The following SALL2 variants were observed in gnomAD, a reference collection of about 807,000 sequenced individuals.
SALL2 encodes spalt like transcription factor 2, also known as sal-like protein 2.
In SALL2, 32 loss-of-function variants were observed where a neutral mutation model predicts 58.5. That is an observed-to-expected ratio of 0.55 (90% CI 0.41 to 0.74). SALL2 has a LOEUF of 0.74. Among genes scored for constraint, SALL2 ranks in the 30% least tolerant of loss-of-function variants. The pLI, the probability that SALL2 is intolerant of heterozygous loss-of-function variation, is 0.00. For missense variants in SALL2, 1,201 were observed against 1,268.9 expected (o/e 0.95, Z 0.81); for synonymous variants, 516 against 513.6 (o/e 1.00, Z -0.06).
chr14:21,531,989 C>CA (rs1470496211), intron 1 of SALL2, among the ~76,000 whole-genome samples: 4 of 152,130 alleles, frequency 2.6e-5, no homozygotes, highest in African/African-American at 9.7e-5. Context: ...CTCAGCCTCC[C>CA]AAAGTGCTGA....
In SALL2 at chr14:21,525,807, TC is replaced by T. The variant is rs1197892315; in HGVS notation, c.68-154del. 4.7e-5 allele frequency among the ~76,000 whole-genome samples: 6 copies of T among 127,314 alleles called. No individual in the cohort carries two copies. Among genetic ancestry groups the T allele is most frequent in the Non-Finnish European group, 9.5e-5 (6 of 62,882 alleles). The allele number at this position is 127,314 out of a possible 152,430, so 83.5% of individuals were successfully genotyped here. ...GCAGAAGTCTAGAGCTCAGGCCTGA[TC>T]CGTGTGGACAGGAGACAACCCGGCA... On this transcript the variant is annotated intron_variant, in intron 1 of 1. Coordinates refer to ENST00000537235, the MANE Select transcript of SALL2 (RefSeq NM_001364564.1). The surrounding 1 kb of genome is among the most constrained non-coding windows in gnomAD (Gnocchi z 4.4).
rs747098143 is a variant in SALL2, at chr14:21,522,957, G to A, written c.2765C>T (p.Ala922Val). 4 of 1,614,016 alleles carry A rather than the reference G, an allele frequency of 2.5e-6. No individual in the cohort carries two copies. Among genetic ancestry groups the A allele is most frequent in the Non-Finnish European group, 3.4e-6 (4 of 1,180,022 alleles). The stretch of plus-strand genomic sequence containing the variant: ...GGTCTTCTGATGCTCCTCCAGAGCT[G>A]CCTGGGAGGGAAAGGCCTGGCCACA... ...EVCGQAFPSQ[A>V]ALEEHQKTHP... The change falls in exon 2 of 2, where the codon GCA (alanine) becomes GTA (valine). Residue 922 changes from alanine (A) to valine (V), a missense_variant. Physicochemically the swap from Ala to Val is moderately conservative, Grantham distance 64 (BLOSUM62 0). Coordinates refer to ENST00000537235, the MANE Select transcript of SALL2 (RefSeq NM_001364564.1).
In SALL2 at chr14:21,522,581, G is replaced by C. The variant is rs1210605904; in HGVS notation, c.*123C>G. 7.0e-7 allele frequency: 1 copy of C among 1,425,940 alleles called. No individual in the cohort carries two copies. Among genetic ancestry groups the C allele is most frequent in the East Asian group, 2.5e-5 (1 of 40,390 alleles). 88.3% of individuals were successfully genotyped at this position (1,425,940 alleles called of 1,614,324 possible). ...CTCAGGGACTACAGAAAAGCCACTAGGGACATAACATGTTAAGAACTTAGA... is the reference window on the plus strand; with the variant it reads ...CTCAGGGACTACAGAAAAGCCACTACGGACATAACATGTTAAGAACTTAGA... On this transcript the variant is annotated 3_prime_UTR_variant, in exon 2 of 2. Coordinates refer to ENST00000537235, the MANE Select transcript of SALL2 (RefSeq NM_001364564.1).
chr14:21,523,563 C>A lies in SALL2; in HGVS notation c.2159G>T (p.Gly720Val), dbSNP rs371354219. The A allele has an allele frequency of 3.3e-5, 54 of 1,614,090 alleles. No homozygotes were observed. The African/African-American group carries it at 6.3e-4, about 19-fold the overall frequency. Residue 720 changes from glycine (G) to valine (V), a missense_variant, in exon 2 of 2, where the codon GGT (glycine) becomes GTT (valine). Gly to Val is a moderately radical substitution (Grantham distance 109). Transcript: ENST00000537235. The surrounding 1 kb of genome is among the most constrained non-coding windows in gnomAD (Gnocchi z 4.4). ...TCCTCCACCTTCAGGGAGTGCAGTACCACCGTTGGGGATCTGGCCCCCCAG... is the reference window on the plus strand; with the variant it reads ...TCCTCCACCTTCAGGGAGTGCAGTAACACCGTTGGGGATCTGGCCCCCCAG... ...MHLGGQIPNG[G>V]TALPEGGGAA...
rs1271865712 is a variant in SALL2, at chr14:21,521,242, C to A, written c.*1462G>T. 6.6e-6 allele frequency: 1 copy of A among 152,190 alleles called. No homozygotes were observed. The highest frequency in any genetic ancestry group is 1.5e-5 in the Non-Finnish European group (1 of 68,046). The allele number at this position is 152,190 out of a possible 1,614,324, so 9.4% of individuals were successfully genotyped here. Reference sequence around the variant, plus strand: ...CCTCACTCTCTCCTCCTCAGAACTCCTGTTCCAAATGATCCTATGTTAAGA... The same window carrying A: ...CCTCACTCTCTCCTCCTCAGAACTCATGTTCCAAATGATCCTATGTTAAGA... On this transcript the variant is annotated 3_prime_UTR_variant, in exon 2 of 2. Coordinates refer to ENST00000537235, the MANE Select transcript of SALL2 (RefSeq NM_001364564.1).
chr14:21,529,630 C>CA (rs1478192602), upstream of SALL2, among the ~76,000 whole-genome samples: 4 of 146,644 alleles, frequency 2.7e-5, no homozygotes, highest in South Asian at 2.2e-4. Context: ...CTCAAAATCT[C>CA]AAAAAAAAGA....
chr14:21,528,193 T>C (rs892628369), upstream of SALL2, among the ~76,000 whole-genome samples: 1 of 151,958 alleles, frequency 6.6e-6, no homozygotes, highest in Non-Finnish European at 1.5e-5. Flanking sequence ...TTTTTAAAGT[T>C]TGGGGAGTCC....
Position 21,525,649 on chromosome 14 carries a change from C to T in SALL2, c.73G>A (p.Ala25Thr). The change falls in exon 2 of 2, where the codon GCT (alanine) becomes ACT (threonine). Residue 25 changes from alanine (A) to threonine (T), a missense_variant. Transcript: ENST00000537235. The surrounding 1 kb of genome is among the most constrained non-coding windows in gnomAD (Gnocchi z 4.4). ...CGEPAELGGD[A>T]SEEDHPQVCA... is the part of the protein sequence containing the mutation. Reference sequence around the variant, plus strand: ...ACTTGGGGGTGATCCTCCTCGCTAGCATCACCTGGGGAGAAGACAAGGAGA... The same window carrying T: ...ACTTGGGGGTGATCCTCCTCGCTAGTATCACCTGGGGAGAAGACAAGGAGA... 1 of 1,570,402 alleles carries T rather than the reference C, an allele frequency of 6.4e-7. No homozygotes were observed. Among genetic ancestry groups the T allele is most frequent in the South Asian group, 1.2e-5 (1 of 83,688 alleles).
At chr14:21,528,846 G>A (rs914125494), upstream of SALL2, among the ~76,000 whole-genome samples, 1 of 152,126 alleles carries the variant, frequency 6.6e-6, no homozygotes, top group African/African-American at 2.4e-5. Context: ...CCTTAGTCAG[G>A]GAGAGGGAAT....
rs550675986 is a variant in SALL2 at position 21,522,528 on chromosome 14, T to A, written c.*176A>T. On this transcript the variant is annotated 3_prime_UTR_variant, in exon 2 of 2. Transcript: ENST00000537235. ...GGAAGAAAAATTCCTTAGGGGGCCATCCCCTTGTAAGCACAGTAATTTCCA... is the reference window on the plus strand; with the variant it reads ...GGAAGAAAAATTCCTTAGGGGGCCAACCCCTTGTAAGCACAGTAATTTCCA... The A allele has an allele frequency of 5.8e-6, 8 of 1,386,562 alleles. No homozygotes were observed. The African/African-American group carries it at 7.2e-5, about 13-fold the overall frequency. 85.9% of individuals were successfully genotyped at this position (1,386,562 alleles called of 1,614,324 possible).
chr14:21,529,231 C>T (rs966971900), upstream of SALL2, among the ~76,000 whole-genome samples: 3 of 152,118 alleles, frequency 2.0e-5, no homozygotes, highest in African/African-American at 4.8e-5. Context: ...CCCTAGATAG[C>T]AGATAAGGTG....
Position 21,523,589 on chromosome 14 carries a change from G to T in SALL2, c.2133C>A (p.His711Gln). 1.2e-6 allele frequency: 2 copies of T among 1,614,234 alleles called. No individual in the cohort carries two copies. The highest frequency in any genetic ancestry group is 1.7e-6 in the Non-Finnish European group (2 of 1,180,048). ...CACCGTTGGGGATCTGGCCCCCCAG[G>T]TGCATCCGGACATGCTGCTGCAGAG... ...AVTLQQHVRM[H>Q]LGGQIPNGGT... The change falls in exon 2 of 2, where the codon CAC becomes CAA. Residue 711 changes from histidine (H) to glutamine (Q), a missense_variant. Around this residue, in one of 3 missense-constraint regions of SALL2, gnomAD observed 675 missense variants for 683.8 expected, o/e 0.99. Coordinates refer to ENST00000537235, the MANE Select transcript of SALL2 (RefSeq NM_001364564.1). This position sits in a 1 kb window ranked among gnomAD's most constrained non-coding sequence, Gnocchi z 4.4.
Position 21,525,935 on chromosome 14 carries a change from A to C in SALL2, c.67+126T>G. The C allele has an allele frequency of 1.0e-6, 1 of 970,928 alleles. No homozygotes were observed. The highest frequency in any genetic ancestry group is 1.6e-6 in the Non-Finnish European group (1 of 641,046). The allele number at this position is 970,928 out of a possible 1,614,324, so 60.1% of individuals were successfully genotyped here. A position where few individuals can be genotyped will look rare whatever the true frequency, so the allele number is the denominator to read the frequency against. ...CCCAGGCCACAAGCGAGTTCACGGA[A>C]TAGGTGTGGGGACAGGGGCCTACGC... On this transcript the variant is annotated intron_variant, in intron 1 of 1. Coordinates refer to ENST00000537235, the MANE Select transcript of SALL2 (RefSeq NM_001364564.1). This position sits in a 1 kb window ranked among gnomAD's most constrained non-coding sequence, Gnocchi z 4.4.
chr14:21,536,925 C>G, intron 1 of SALL2: 1 of 1,613,998 alleles, frequency 6.2e-7, no homozygotes, highest in Non-Finnish European at 8.5e-7. Context: ...GAGACATTCC[C>G]GGGTAGAGAG....
rs1329207042 is a variant in SALL2, at chr14:21,525,415, A to G, written c.307T>C (p.Ser103Pro). ...CCCCAGGTGGGATCCGTGGGCACGG[A>G]GGACCCAGAATCTGGGGGGTTGCTA... ...EHSNPPDSGS[S>P]VPTDPTWGPE... Residue 103 changes from serine to proline, a missense_variant, in exon 2 of 2, where the codon TCC (serine) becomes CCC (proline). Ser to Pro is a moderately conservative substitution (Grantham distance 74). This residue lies in a region of SALL2 where 467 missense variants were observed against 468.9 expected (regional missense o/e 1.00). Coordinates refer to ENST00000537235, the MANE Select transcript of SALL2 (RefSeq NM_001364564.1). The surrounding 1 kb of genome is among the most constrained non-coding windows in gnomAD (Gnocchi z 4.4). 6.2e-7 allele frequency: 1 copy of G among 1,614,000 alleles called. No homozygotes were observed. The highest frequency in any genetic ancestry group is 1.3e-5 in the African/African-American group (1 of 75,006).
Position 21,523,367 on chromosome 14 carries a change from G to A in SALL2, c.2355C>T (p.Gly785=). 5.6e-6 allele frequency: 9 copies of A among 1,613,444 alleles called. No homozygotes were observed. The highest frequency in any genetic ancestry group is 6.8e-6 in the Non-Finnish European group (8 of 1,180,018). ...TTGCCTTCTCACCTCCACTCTCTGA[G>A]CCTCTCCCTGCCAGGGAATCTTCAT... The part of the protein sequence containing the change: ...VTDEDSLAGR[G]SESGGEKAIS... Residue 785 remains glycine (G), a synonymous_variant, in exon 2 of 2, where the codon GGC becomes GGT. Coordinates refer to ENST00000537235, the MANE Select transcript of SALL2 (RefSeq NM_001364564.1). This position sits in a 1 kb window ranked among gnomAD's most constrained non-coding sequence, Gnocchi z 4.4.
At chr14:21,530,571 A>C (rs1892435868), upstream of SALL2, among the ~76,000 whole-genome samples, 1 of 152,110 alleles carries the variant, frequency 6.6e-6, no homozygotes, top group Non-Finnish European at 1.5e-5. Flanking sequence ...TACAGGCGTG[A>C]GCCATCGCGC....
chr14:21,526,551 CTGCAGA>C, upstream of SALL2: 1 of 1,104,634 alleles, frequency 9.1e-7, no homozygotes, highest in Non-Finnish European at 1.1e-6. Flanking sequence ...CTCCCCCCAT[CTGCAGA>C]TGCCTTTGCC....
Position 21,522,125 on chromosome 14 carries a change from A to C in SALL2, c.*579T>G. On this transcript the variant is annotated 3_prime_UTR_variant, in exon 2 of 2. Coordinates refer to ENST00000537235, the MANE Select transcript of SALL2 (RefSeq NM_001364564.1). ...ATCCCATTGTTGGAGGCACCTTCCC[A>C]GCCACAGTTCCTAGGCCAAACAGCA... The C allele has an allele frequency of 6.3e-7, 1 of 1,598,046 alleles. No homozygotes were observed. Among genetic ancestry groups the C allele is most frequent in the East Asian group, 2.2e-5 (1 of 44,862 alleles).
Sources: gnomAD v4.1 joint callset for allele counts (sites outside exome capture counted in the v4.1 genomes callset) on GRCh38, gnomAD v4.1.1 for gene constraint, gnomAD v4.1.1 regional missense constraint, Gnocchi (gnomAD v3.1) non-coding constraint, MANE v1.5 for transcripts, NCBI Gene and HGNC (gene_info 2026-07-23, HGNC 2026-07-21) for gene names.